The following SORL1 variants were observed in gnomAD, a reference collection of about 807,000 sequenced individuals.
The protein encoded by SORL1 is sortilin-related receptor.
Under a neutral mutation model 273.7 loss-of-function variants are expected in SORL1, and 127 were observed. That is an observed-to-expected ratio of 0.46 (90% CI 0.40 to 0.54). The LOEUF is 0.54. SORL1 is among the 20% of genes least tolerant of loss of function. SORL1 has a pLI of 0.00. For missense variants in SORL1, 2,494 were observed against 2,846.1 expected (o/e 0.88, Z 2.81); for synonymous variants, 1,031 against 1,067.4 (o/e 0.97, Z 0.66).
chr11:121,485,291 G>A (rs1445668676), intron 3 of SORL1, among the ~76,000 whole-genome samples: 5 of 152,278 alleles, frequency 3.3e-5, no homozygotes, highest in Admixed American at 2.6e-4. Flanking sequence ...TACAAGGTAA[G>A]ACCTATGAAT....
At chr11:121,456,135 G>A (rs1001823820) in intron 1 of SORL1, among the ~76,000 whole-genome samples, 6 of 152,098 alleles carry the variant, frequency 3.9e-5, no homozygotes, top group African/African-American at 1.4e-4. Context: ...CATCATACCT[G>A]CTTTTTCCTC....
intron 12 of SORL1, among the ~76,000 whole-genome samples, chr11:121,540,202 T>C (rs1862326049): frequency 6.6e-6 from 1 of 152,224 alleles, no homozygotes; most frequent in Non-Finnish European, 1.5e-5. Context: ...AAGTTGGGTA[T>C]CTACCACACT....
Position 121,613,647 on chromosome 11 carries a change from G to A in SORL1, c.5419+815G>A, listed in dbSNP as rs920394847. Among the ~76,000 whole-genome samples, 6 of 152,136 alleles carry A rather than the reference G, an allele frequency of 3.9e-5. No homozygotes were observed. The East Asian group carries it at 5.8e-4, about 15-fold the overall frequency. ...ACAGGCATTTACACAGGCATTCTAC[G>A]CATATTATTTACATAACCCCAAGTA... On this transcript the variant is annotated intron_variant, in intron 40 of 47. Coordinates refer to ENST00000260197, the MANE Select transcript of SORL1 (RefSeq NM_003105.6).
At chr11:121,604,847 T>G (rs566093608) in intron 33 of SORL1, among the ~76,000 whole-genome samples, 1 of 152,326 alleles carries the variant, frequency 6.6e-6, no homozygotes, top group East Asian at 1.9e-4. Context: ...CAGATAATGA[T>G]TATGGCCTCC....
chr11:121,553,960 G>A lies in SORL1; in HGVS notation c.2290G>A (p.Ala764Thr). ...AGAAGAGAACGAGTTCATTCTGTAT[G>A]CTGTGAGGAAATCCATCTACCGCTA... is the stretch of plus-strand genomic sequence containing the variant. ...LAEENEFILY[A>T]VRKSIYRYDL... The change falls in exon 17 of 48, where the codon GCT becomes ACT. Residue 764 changes from alanine to threonine, a missense_variant. Ala to Thr is a moderately conservative substitution (Grantham distance 58). Around this residue, in one of 3 missense-constraint regions of SORL1, gnomAD observed 710 missense variants for 882.5 expected, o/e 0.80. Transcript: ENST00000260197. 6.2e-7 allele frequency: 1 copy of A among 1,614,068 alleles called. No homozygotes were observed. The highest frequency in any genetic ancestry group is 1.3e-5 in the African/African-American group (1 of 75,052).
rs888679004 is a variant in SORL1 at position 121,627,271 on chromosome 11, G to T, written c.6365-284G>T. 9 of 420,208 alleles carry T rather than the reference G, an allele frequency of 2.1e-5. No homozygotes were observed. The highest frequency in any genetic ancestry group is 3.9e-5 in the Non-Finnish European group (9 of 232,162). The allele number at this position is 420,208 out of a possible 1,614,324, so 26.0% of individuals were successfully genotyped here. On this transcript the variant is annotated intron_variant, in intron 46 of 47. Coordinates refer to ENST00000260197, the MANE Select transcript of SORL1 (RefSeq NM_003105.6). This position sits in a 1 kb window ranked among gnomAD's most constrained non-coding sequence, Gnocchi z 4.9. ...AATCAATGTTGATACCCCAACAAAG[G>T]TCTCCCTTCCAAGAGATTATCTAAA...
At chr11:121,520,011 G>T (rs982609818) in intron 8 of SORL1, among the ~76,000 whole-genome samples, 1 of 152,188 alleles carries the variant, frequency 6.6e-6, no homozygotes, top group Admixed American at 6.5e-5. Context: ...AGCACTTTGG[G>T]AGGCCAAGGC....
chr11:121,591,895 G>C (rs1863221183), intron 31 of SORL1, among the ~76,000 whole-genome samples: 1 of 152,020 alleles, frequency 6.6e-6, no homozygotes, highest in African/African-American at 2.4e-5. Context: ...AAGCATGTAG[G>C]GATCTCCTGG....
At chr11:121,616,377 C>T (rs1200397870) in intron 41 of SORL1, among the ~76,000 whole-genome samples, 1 of 152,170 alleles carries the variant, frequency 6.6e-6, no homozygotes, top group Admixed American at 6.5e-5. Flanking sequence ...CATTGAGGAC[C>T]CTGGCAGCTC....
intron 32 of SORL1, among the ~76,000 whole-genome samples, chr11:121,600,356 A>T (rs1277622578): frequency 6.6e-6 from 1 of 152,192 alleles, no homozygotes; most frequent in South Asian, 2.1e-4. Flanking sequence ...ACTAACACAG[A>T]TGAACTGAGT....
chr11:121,571,912 C>G (rs1158469387), intron 23 of SORL1, among the ~76,000 whole-genome samples: 1 of 152,208 alleles, frequency 6.6e-6, no homozygotes, highest in Non-Finnish European at 1.5e-5. Flanking sequence ...CCTCCTTTAT[C>G]AGAGTTGCAG....
Position 121,607,196 on chromosome 11 carries a change from G to A in SORL1, c.5072G>A (p.Ser1691Asn). The change falls in exon 37 of 48, where the codon AGC becomes AAC. Residue 1691 changes from serine to asparagine, a missense_variant. Physicochemically the swap from Ser to Asn is conservative, Grantham distance 46. Transcript: ENST00000260197. ...GLIREYIVEYSRSGSKMWASQ... is the reference protein window; with the variant it reads ...GLIREYIVEYNRSGSKMWASQ... ...TTCTTCTCCCTTTAGGTAGAATACA[G>A]CAGGAGTGGTTCCAAGATGTGGGCC... 1 of 1,602,858 alleles carries A rather than the reference G, an allele frequency of 6.2e-7. No individual in the cohort carries two copies. Among genetic ancestry groups the A allele is most frequent in the Non-Finnish European group, 8.5e-7 (1 of 1,169,754 alleles).
chr11:121,622,141 C>A, intron 44 of SORL1, 21 bp from the exon 45 acceptor site: 1 of 1,319,038 alleles, frequency 7.6e-7, no homozygotes, highest in South Asian at 1.2e-5. Flanking sequence ...AACCGCATCC[C>A]ATCTCATCTT....
In SORL1 at chr11:121,555,177, C is replaced by A. The variant is rs765294595; in HGVS notation, c.2440-10C>A. The A allele has an allele frequency of 6.2e-7, 1 of 1,609,616 alleles. No individual in the cohort carries two copies. Among genetic ancestry groups the A allele is most frequent in the Non-Finnish European group, 8.5e-7 (1 of 1,177,642 alleles). On this transcript the variant is annotated splice_polypyrimidine_tract_variant and intron_variant, in intron 17 of 47. Coordinates refer to ENST00000260197, the MANE Select transcript of SORL1 (RefSeq NM_003105.6). The stretch of plus-strand genomic sequence containing the variant: ...GTTCCTAGCATTTATTATTACTTTT[C>A]TCTCTTAAGCGCCTCTGTTTGAATG...
In SORL1 at chr11:121,586,278, C is replaced by T. The variant is rs1054859234; in HGVS notation, c.3763C>T (p.His1255Tyr). 4 of 1,614,044 alleles carry T rather than the reference C, an allele frequency of 2.5e-6. No homozygotes were observed. In the African/African-American group the frequency reaches 4.0e-5, roughly 16 times the overall value. ...CGGCACTTGCATCCCATCCAGCAAA[C>T]ATTGTGATGGTCTGCGTGATTGCTC... ...PNGTCIPSSKHCDGLRDCSDG... is the reference protein window; with the variant it reads ...PNGTCIPSSKYCDGLRDCSDG... The change falls in exon 27 of 48, where the codon CAT (histidine) becomes TAT (tyrosine). Residue 1255 changes from histidine to tyrosine, a missense_variant. By Grantham distance (83) the His-to-Tyr change is moderately conservative. Around this residue, in one of 3 missense-constraint regions of SORL1, gnomAD observed 1,609 missense variants for 1,816.4 expected, o/e 0.89. Transcript: ENST00000260197.
At position 121,614,969 on chromosome 11, in the gene SORL1, G is replaced by A; in HGVS notation, c.5518G>A (p.Gly1840Arg). 1 of 1,613,872 alleles carries A rather than the reference G, an allele frequency of 6.2e-7. No homozygotes were observed. The highest frequency in any genetic ancestry group is 8.5e-7 in the Non-Finnish European group (1 of 1,179,914). Reference protein sequence around the residue: ...PLAFEHVMTRGVRPPAPSLKA... With the variant: ...PLAFEHVMTRRVRPPAPSLKA... ...GGCATTTGAGCATGTTATGACCAGA[G>A]GGGTTCGCCCACCTGCACCTAGCCT... The change falls in exon 41 of 48, where the codon GGG (glycine) becomes AGG (arginine). Residue 1840 changes from glycine (G) to arginine (R), a missense_variant. By Grantham distance (125) the Gly-to-Arg change is moderately radical. Transcript: ENST00000260197.
chr11:121,510,225 A>G (rs1266280525), intron 6 of SORL1, among the ~76,000 whole-genome samples: 2 of 152,376 alleles, frequency 1.3e-5, no homozygotes, highest in Non-Finnish European at 2.9e-5. Context: ...CATTTATATC[A>G]TGATCCAAAT....
At chr11:121,483,731 G>A (rs754155191) in intron 3 of SORL1, among the ~76,000 whole-genome samples, 2 of 152,168 alleles carry the variant, frequency 1.3e-5, no homozygotes, top group Non-Finnish European at 2.9e-5. Flanking sequence ...AGACTTAAAA[G>A]CCAGGGTGAA....
At chr11:121,498,937 G>A (rs1044744672) in intron 6 of SORL1, among the ~76,000 whole-genome samples, 2 of 151,972 alleles carry the variant, frequency 1.3e-5, no homozygotes, top group African/African-American at 4.8e-5. Flanking sequence ...TAGTCTAACA[G>A]CTATGTCTGT....
Sources: allele counts gnomAD v4.1 joint callset (sites outside exome capture counted in the v4.1 genomes callset), GRCh38; gene constraint gnomAD v4.1.1; regional missense constraint gnomAD v4.1.1; non-coding constraint Gnocchi (gnomAD v3.1); transcripts MANE v1.5; gene names NCBI Gene and HGNC (gene_info 2026-07-23, HGNC 2026-07-21).